PRORP: variants seen among roughly 807,000 people sequenced by gnomAD.
PRORP encodes the protein protein only RNase P catalytic subunit, also known as mitochondrial ribonuclease P catalytic subunit.
A neutral mutation model predicts 59.4 loss-of-function variants in PRORP; 51 were observed. The ratio of observed to expected loss-of-function variants is 0.86; its 90% confidence interval spans 0.69 to 1.08. The LOEUF is 1.08. Ranked by LOEUF, PRORP falls within the 50% of genes least tolerant of loss-of-function variation. PRORP has a pLI of 0.00. For missense variants in PRORP, 646 were observed against 690.3 expected (o/e 0.94, Z 0.72); for synonymous variants, 231 against 245.6 (o/e 0.94, Z 0.55).
intron 4 of PRORP, among the ~76,000 whole-genome samples, chr14:35,136,194 T>C (rs905991310): frequency 6.6e-6 from 1 of 151,932 alleles, no homozygotes; most frequent in Admixed American, 6.6e-5. Flanking sequence ...AATTTCACCA[T>C]TTGGTTTGGC....
intron 5 of PRORP, among the ~76,000 whole-genome samples, chr14:35,188,348 G>A (rs1207209103): frequency 6.6e-6 from 1 of 151,346 alleles, no homozygotes; most frequent in Admixed American, 6.6e-5. Flanking sequence ...GCACCACTAT[G>A]GCTGGCTCTT....
At chr14:35,199,355 T>A (rs976911998) in intron 5 of PRORP, among the ~76,000 whole-genome samples, 5 of 145,646 alleles carry the variant, frequency 3.4e-5, no homozygotes, top group African/African-American at 5.0e-5. Context: ...AAAAAAAAAA[T>A]TATAGTGAGT....
At chr14:35,188,957 A>AGAAAGAAAG (rs1555326773) in intron 5 of PRORP, among the ~76,000 whole-genome samples, 13 of 40,982 alleles carry the variant, frequency 3.2e-4, no homozygotes, top group East Asian at 2.0e-3. Context: ...AAAAAAAAAA[A>AGAAAGAAAG]AAAAAAAGTA....
At chr14:35,148,663 A>G (rs536657365) in intron 4 of PRORP, among the ~76,000 whole-genome samples, 1 of 152,298 alleles carries the variant, frequency 6.6e-6, no homozygotes, top group African/African-American at 2.4e-5. Context: ...GAAGTCAAGC[A>G]TTGACTTCTC....
chr14:35,252,347 C>T (rs370705937), intron 5 of PRORP, among the ~76,000 whole-genome samples: 1 of 152,264 alleles, frequency 6.6e-6, no homozygotes, highest in East Asian at 1.9e-4. Context: ...GACTTGAGCC[C>T]AGGACGTCAA....
chr14:35,183,140 T>C (rs7150725), intron 5 of PRORP, among the ~76,000 whole-genome samples: 27,988 of 152,018 alleles, frequency 0.18, 2,832 homozygotes, highest in Admixed American at 0.27. Context: ...CAAAAAATTA[T>C]CCATGTATAG....
intron 4 of PRORP, among the ~76,000 whole-genome samples, chr14:35,161,946 A>G (rs974832386): frequency 6.6e-6 from 1 of 152,102 alleles, no homozygotes; most frequent in Non-Finnish European, 1.5e-5. Flanking sequence ...GATGATTGAG[A>G]ATTTTTTAGG....
In PRORP at chr14:35,123,650, C is replaced by T. The variant is rs770846176; in HGVS notation, c.405C>T (p.Thr135=). ...TTAAGGAAGATTTAAAAGAAAACAC[C>T]GGAAAGACCAGTTTCGAAAGTTGGA... ...DKLKEDLKEN[T]GKTSFESWII... is the part of the protein sequence containing the mutation. The change falls in exon 2 of 8, where the codon ACC becomes ACT. Residue 135 remains threonine, a synonymous_variant. Coordinates refer to ENST00000534898, the MANE Select transcript of PRORP (RefSeq NM_014672.4). 5.6e-6 allele frequency: 9 copies of T among 1,614,102 alleles called. No homozygotes were observed. The highest frequency in any genetic ancestry group is 1.6e-4 in the Middle Eastern group (1 of 6,062).
At chr14:35,168,618 A>G (rs1476080310) in intron 4 of PRORP, among the ~76,000 whole-genome samples, 3 of 152,110 alleles carry the variant, frequency 2.0e-5, no homozygotes, top group African/African-American at 7.2e-5. Context: ...AATAATAAAA[A>G]AGCATAGGCC....
intron 4 of PRORP, among the ~76,000 whole-genome samples, chr14:35,132,155 C>T (rs1454141848): frequency 2.0e-5 from 3 of 151,478 alleles, no homozygotes; most frequent in Non-Finnish European, 4.4e-5. Flanking sequence ...CTTTCTTTAT[C>T]CGTTGAAGGT....
chr14:35,253,343 AAGAGAG>A (rs199840591), intron 5 of PRORP, among the ~76,000 whole-genome samples: 4 of 143,142 alleles, frequency 2.8e-5, no homozygotes, highest in South Asian at 2.2e-4. Context: ...AAAAAAAAAA[AAGAGAG>A]AGAGAGAGAA....
intron 4 of PRORP, among the ~76,000 whole-genome samples, chr14:35,127,872 G>A (rs561375334): frequency 1.3e-5 from 2 of 152,236 alleles, no homozygotes; most frequent in East Asian, 1.9e-4. Flanking sequence ...CCAACCTTTC[G>A]GAGAGATTGC....
At chr14:35,166,153 C>A (rs1439763778) in intron 4 of PRORP, among the ~76,000 whole-genome samples, 1 of 152,088 alleles carries the variant, frequency 6.6e-6, no homozygotes, top group African/African-American at 2.4e-5. Flanking sequence ...TCTTTTTCTT[C>A]TTTTCTTCTG....
At chr14:35,259,809 T>A (rs1256426755) in intron 5 of PRORP, among the ~76,000 whole-genome samples, 1 of 152,074 alleles carries the variant, frequency 6.6e-6, no homozygotes, top group Admixed American at 6.6e-5. Context: ...GCAGGAAAAT[T>A]GCTTGAACCC....
intron 7 of PRORP, among the ~76,000 whole-genome samples, chr14:35,272,224 T>C (rs1047699465): frequency 6.6e-6 from 1 of 152,256 alleles, no homozygotes; most frequent in Non-Finnish European, 1.5e-5. Flanking sequence ...ATGCTCATGT[T>C]AATGAGCTCA....
At chr14:35,180,040 A>AGAACAGCGAATATTGCT (rs1194140828) in intron 4 of PRORP, among the ~76,000 whole-genome samples, 2 of 152,248 alleles carry the variant, frequency 1.3e-5, no homozygotes, top group Admixed American at 6.5e-5. Context: ...CGGAGGCTGC[A>AGAACAGCGAATATTGCT]GAACAGCGAA....
At chr14:35,131,499 A>G (rs533158411) in intron 4 of PRORP, among the ~76,000 whole-genome samples, 1 of 147,968 alleles carries the variant, frequency 6.8e-6, no homozygotes, top group South Asian at 2.1e-4. Flanking sequence ...GCTCCATTGT[A>G]TGTTATTTGT....
intron 5 of PRORP, among the ~76,000 whole-genome samples, chr14:35,211,593 G>C (rs575940852): frequency 1.5e-3 from 221 of 152,298 alleles, no homozygotes; most frequent in Non-Finnish European, 2.2e-3. Flanking sequence ...GCATATAAAA[G>C]TTACGTTTAT....
intron 5 of PRORP, among the ~76,000 whole-genome samples, chr14:35,232,985 T>C (rs1173539717): frequency 6.6e-6 from 1 of 152,152 alleles, no homozygotes; most frequent in African/African-American, 2.4e-5. Context: ...CCTTCCTCTT[T>C]TACAACAGGT....
Sources: allele counts gnomAD v4.1 joint callset (sites outside exome capture counted in the v4.1 genomes callset), GRCh38; gene constraint gnomAD v4.1.1; transcripts MANE v1.5; gene names NCBI Gene and HGNC (gene_info 2026-07-23, HGNC 2026-07-21).